The following NDUFAF6 variants were observed in gnomAD, a reference collection of about 807,000 sequenced individuals.
The protein encoded by NDUFAF6 is NADH dehydrogenase (ubiquinone) complex I, assembly factor 6.
A neutral mutation model predicts 40.8 loss-of-function variants in NDUFAF6; 45 were observed. The ratio of observed to expected loss-of-function variants is 1.10; its 90% confidence interval spans 0.87 to 1.42. The LOEUF (loss-of-function observed/expected upper bound fraction) is 1.42. Ranked by LOEUF, NDUFAF6 falls within the 40% of genes most tolerant of loss-of-function variation. The pLI is 0.00. For missense variants in NDUFAF6, 435 were observed against 418.5 expected (o/e 1.04, Z -0.34); for synonymous variants, 185 against 155.9 (o/e 1.19, Z -1.39).
At chr8:95,097,534 C>G (rs1809507566), upstream of NDUFAF6, among the ~76,000 whole-genome samples, 1 of 152,104 alleles carries the variant, frequency 6.6e-6, no homozygotes, top group African/African-American at 2.4e-5. Flanking sequence ...CCTGTCTCTA[C>G]TAAAAATACA....
intron 2 of NDUFAF6, among the ~76,000 whole-genome samples, chr8:95,089,519 C>T (rs2132061938): frequency 6.6e-6 from 1 of 152,172 alleles, no homozygotes; most frequent in African/African-American, 2.4e-5. Flanking sequence ...CTTTTCACAT[C>T]TCATAAATAG....
chr8:95,038,712 T>C (rs898984753), intron 3 of NDUFAF6, among the ~76,000 whole-genome samples: 3 of 151,998 alleles, frequency 2.0e-5, no homozygotes, highest in Non-Finnish European at 4.4e-5. Context: ...GGAGCTTTGC[T>C]GTGTCACCAA....
chr8:94,970,502 A>C (rs1563757961), intron 1 of NDUFAF6, among the ~76,000 whole-genome samples: 1 of 152,030 alleles, frequency 6.6e-6, no homozygotes, highest in Admixed American at 6.6e-5. Context: ...GAGGCAAGAG[A>C]ATCTTTTGAA....
At chr8:95,076,931 C>T (rs1357021546), downstream of NDUFAF6, among the ~76,000 whole-genome samples, 1 of 151,540 alleles carries the variant, frequency 6.6e-6, no homozygotes, top group Non-Finnish European at 1.5e-5. Context: ...AGGTCCTAAC[C>T]CTCAGTACCT....
At chr8:95,046,084 TG>T (rs1290524749) in intron 5 of NDUFAF6, among the ~76,000 whole-genome samples, 17 of 149,028 alleles carry the variant, frequency 1.1e-4, no homozygotes, top group African/African-American at 4.1e-4. Flanking sequence ...TATTTTATGA[TG>T]GAGTCTCGCT....
intron 8 of NDUFAF6, among the ~76,000 whole-genome samples, chr8:95,057,389 A>G (rs995726295): frequency 3.9e-5 from 6 of 152,160 alleles, no homozygotes; most frequent in African/African-American, 1.4e-4. Flanking sequence ...CTTCTTCACA[A>G]AATAATTTCT....
At chr8:95,006,276 A>T (rs997154841) in intron 2 of NDUFAF6, among the ~76,000 whole-genome samples, 1 of 142,600 alleles carries the variant, frequency 7.0e-6, no homozygotes, top group Non-Finnish European at 1.5e-5. Flanking sequence ...AATTGCTTGA[A>T]CCTGGGAGGT....
chr8:95,047,087 G>T lies in NDUFAF6; in HGVS notation c.674G>T (p.Ser225Ile), dbSNP rs771786310. 2 of 1,614,184 alleles carry T rather than the reference G, an allele frequency of 1.2e-6. No homozygotes were observed. The highest frequency in any genetic ancestry group is 1.1e-5 in the South Asian group (1 of 91,092). The change falls in exon 6 of 9, where the codon AGC becomes ATC. Residue 225 changes from serine to isoleucine, a missense_variant. Coordinates refer to ENST00000396124, the MANE Select transcript of NDUFAF6 (RefSeq NM_152416.4). The stretch of plus-strand genomic sequence containing the variant: ...TTGAGAGCAACACCATATCATGGGA[G>T]CAGAAGAAAGGTGTTCCTTCCCATG... The part of the protein sequence containing the change: ...TCLRATPYHG[S>I]RRKVFLPMDI...
At chr8:95,019,475 A>G (rs534334992) in intron 2 of NDUFAF6, among the ~76,000 whole-genome samples, 1 of 152,328 alleles carries the variant, frequency 6.6e-6, no homozygotes, top group East Asian at 1.9e-4. Flanking sequence ...TCCTCTTCCT[A>G]CATGTGATTT....
downstream of NDUFAF6, among the ~76,000 whole-genome samples, chr8:95,081,100 G>C (rs1003819790): frequency 2.1e-5 from 3 of 141,888 alleles, no homozygotes; most frequent in Non-Finnish European, 4.6e-5. Flanking sequence ...GTCAGCACAG[G>C]TTCCGCCCTT....
At position 94,903,658 on chromosome 8, in the gene NDUFAF6, T is replaced by G. The variant is rs541075936; in HGVS notation, c.-936+7731T>G. ...GAGTTTATAATAGGCTTCAGCTATA[T>G]CTGTAACATTTGTATTTCCTTAAAA... is the stretch of plus-strand genomic sequence containing the variant. On this transcript the variant is annotated intron_variant, in intron 1 of 14. Coordinates refer to the NDUFAF6 transcript ENST00000396113. 4.7e-4 allele frequency among the ~76,000 whole-genome samples: 72 copies of G among 152,346 alleles called. 1 individual carries two copies. The highest frequency in any genetic ancestry group is 1.9e-4 in the Non-Finnish European group (13 of 68,030).
chr8:95,006,173 C>A (rs1160328939), intron 2 of NDUFAF6, among the ~76,000 whole-genome samples: 1 of 151,844 alleles, frequency 6.6e-6, no homozygotes, highest in Non-Finnish European at 1.5e-5. Context: ...GCCTGGCCAA[C>A]ATGGTGAAAC....
chr8:94,902,188 G>A (rs1326823675), intron 1 of NDUFAF6, among the ~76,000 whole-genome samples: 1 of 152,128 alleles, frequency 6.6e-6, no homozygotes, highest in Non-Finnish European at 1.5e-5. Context: ...AGAGGCCAAG[G>A]CAGGTGGATC....
At chr8:95,034,318 C>T (rs1253123030) in intron 2 of NDUFAF6, among the ~76,000 whole-genome samples, 1 of 152,116 alleles carries the variant, frequency 6.6e-6, no homozygotes, top group Non-Finnish European at 1.5e-5. Context: ...CTTACATAAC[C>T]ACAGTACACT....
intron 1 of NDUFAF6, chr8:94,940,242 A>G: frequency 6.3e-7 from 1 of 1,579,812 alleles, no homozygotes; most frequent in Non-Finnish European, 8.6e-7. Flanking sequence ...TCCACATTGC[A>G]GTCCACATGT....
chr8:94,916,676 T>TG (rs1462115704), intron 1 of NDUFAF6, among the ~76,000 whole-genome samples: 1 of 151,216 alleles, frequency 6.6e-6, no homozygotes, highest in African/African-American at 2.4e-5. Flanking sequence ...CACCTGGGTG[T>TG]GGTGGCACGT....
At chr8:95,042,459 G>T (rs1186263262) in intron 4 of NDUFAF6, among the ~76,000 whole-genome samples, 1 of 152,158 alleles carries the variant, frequency 6.6e-6, no homozygotes, top group African/African-American at 2.4e-5. Flanking sequence ...GTTTTACAAG[G>T]TAAAGAAAAT....
At chr8:95,026,678 G>T (rs1306443545) in intron 1 of NDUFAF6, among the ~76,000 whole-genome samples, 1 of 152,048 alleles carries the variant, frequency 6.6e-6, no homozygotes. Context: ...CCCAATAGCC[G>T]CTAGTGTCAT....
intron 1 of NDUFAF6, among the ~76,000 whole-genome samples, chr8:94,917,156 T>C (rs1204398314): frequency 6.6e-6 from 1 of 151,506 alleles, no homozygotes; most frequent in African/African-American, 2.4e-5. Context: ...AATAATAAAC[T>C]TGGAAGACCA....
Sources: allele counts gnomAD v4.1 joint callset (sites outside exome capture counted in the v4.1 genomes callset), GRCh38; gene constraint gnomAD v4.1.1; transcripts MANE v1.5; gene names NCBI Gene and HGNC (gene_info 2026-07-23, HGNC 2026-07-21).